ZNF704: variants seen among roughly 807,000 people sequenced by gnomAD.
ZNF704 encodes the protein glucocorticoid induced gene 1.
In ZNF704, 10 loss-of-function variants were observed where a neutral mutation model predicts 44.7. The observed-to-expected ratio is 0.22, with a 90% CI of 0.14 to 0.38. ZNF704 has a LOEUF of 0.38. ZNF704 is among the 10% of genes least tolerant of loss of function. The pLI, the probability that ZNF704 is intolerant of heterozygous loss-of-function variation, is 1.00. For synonymous variants in ZNF704, 211 were observed against 207.6 expected (o/e 1.02, Z -0.14); for missense variants, 390 against 545.5 (o/e 0.71, Z 2.84).
At chr8:80,773,648 G>A (rs1177267880) in intron 2 of ZNF704, among the ~76,000 whole-genome samples, 1 of 152,152 alleles carries the variant, frequency 6.6e-6, no homozygotes. Context: ...TCCTTCATCT[G>A]AGAATGTCTT....
At chr8:80,787,328 G>T (rs575144592) in intron 2 of ZNF704, among the ~76,000 whole-genome samples, 11 of 152,210 alleles carry the variant, frequency 7.2e-5, no homozygotes, top group Admixed American at 2.0e-4. Context: ...CTACATGTGC[G>T]TGCACACACA....
intron 2 of ZNF704, among the ~76,000 whole-genome samples, chr8:80,755,162 A>T (rs143249879): frequency 4.0e-4 from 61 of 152,288 alleles, no homozygotes; most frequent in Middle Eastern, 3.4e-3. Flanking sequence ...AAAGCAAATA[A>T]AACACTTAAA....
chr8:80,834,659 T>C (rs1158904478), intron 1 of ZNF704, among the ~76,000 whole-genome samples: 3 of 152,152 alleles, frequency 2.0e-5, no homozygotes, highest in Non-Finnish European at 2.9e-5. Context: ...ATTAGGTATT[T>C]GTCATAATGC....
At chr8:80,686,879 GA>G (rs1818546322) in intron 4 of ZNF704, among the ~76,000 whole-genome samples, 1 of 152,012 alleles carries the variant, frequency 6.6e-6, no homozygotes, top group Non-Finnish European at 1.5e-5. Flanking sequence ...TTTTACATAT[GA>G]AAAAAATAAG....
intron 7 of ZNF704, among the ~76,000 whole-genome samples, chr8:80,655,969 G>A (rs887156232): frequency 1.3e-5 from 2 of 152,112 alleles, no homozygotes; most frequent in Non-Finnish European, 2.9e-5. Context: ...GTTATAGATC[G>A]AATGTTTGTG....
chr8:80,740,690 C>A (rs964072024), intron 2 of ZNF704, among the ~76,000 whole-genome samples: 1 of 152,190 alleles, frequency 6.6e-6, no homozygotes, highest in Non-Finnish European at 1.5e-5. Context: ...CTTAAGGATG[C>A]CTTTTTCTGC....
intron 6 of ZNF704, among the ~76,000 whole-genome samples, chr8:80,664,014 A>G (rs917858964): frequency 6.6e-6 from 1 of 151,194 alleles, no homozygotes; most frequent in Non-Finnish European, 1.5e-5. Flanking sequence ...TACAGGTGTG[A>G]GCCACTGTGC....
At chr8:80,746,361 A>T (rs2131699633) in intron 2 of ZNF704, among the ~76,000 whole-genome samples, 1 of 152,298 alleles carries the variant, frequency 6.6e-6, no homozygotes, top group East Asian at 1.9e-4. Context: ...AATAGGGCAG[A>T]CCTGGGTTTA....
chr8:80,852,896 A>T (rs1009155331), intron 1 of ZNF704, among the ~76,000 whole-genome samples: 1 of 152,174 alleles, frequency 6.6e-6, no homozygotes, highest in Non-Finnish European at 1.5e-5. Context: ...ACCATTAAAT[A>T]ATATTTTCTG....
intron 2 of ZNF704, among the ~76,000 whole-genome samples, chr8:80,810,948 T>C (rs1563561523): frequency 6.6e-6 from 1 of 152,206 alleles, no homozygotes; most frequent in Non-Finnish European, 1.5e-5. Flanking sequence ...CATAGAAAGC[T>C]ATGTTCCACC....
chr8:80,749,016 T>C (rs574942463), intron 2 of ZNF704, among the ~76,000 whole-genome samples: 144 of 152,310 alleles, frequency 9.5e-4, no homozygotes, highest in East Asian at 3.9e-4. Context: ...TTAAAGCAAT[T>C]TGATATCTAC....
chr8:80,837,208 T>A (rs1808598137), intron 1 of ZNF704, among the ~76,000 whole-genome samples: 2 of 152,196 alleles, frequency 1.3e-5, no homozygotes, highest in African/African-American at 4.8e-5. Context: ...GGGGAAATAG[T>A]AATTTGGGGG....
chr8:80,640,018 CAAGT>C lies in ZNF704; in HGVS notation c.*1344_*1347del, dbSNP rs745452211. On this transcript the variant is annotated 3_prime_UTR_variant, in exon 9 of 9. Coordinates refer to ENST00000327835, the MANE Select transcript of ZNF704 (RefSeq NM_001033723.3). ...CACCACTATCCCCCAAACAAACAAGCAAGTAAGTTACGAAGCCCAATAAATGGAA... is the reference window on the plus strand; with the variant it reads ...CACCACTATCCCCCAAACAAACAAGCAAGTTACGAAGCCCAATAAATGGAA... 6.6e-6 allele frequency: 1 copy of C among 152,582 alleles called. No homozygotes were observed. Among genetic ancestry groups the C allele is most frequent in the Non-Finnish European group, 1.5e-5 (1 of 68,036 alleles). 9.5% of individuals were successfully genotyped at this position (152,582 alleles called of 1,614,324 possible). A position where few individuals can be genotyped will look rare whatever the true frequency, so the allele number is the denominator to read the frequency against.
chr8:80,648,767 T>C (rs1269097928), intron 7 of ZNF704, among the ~76,000 whole-genome samples: 1 of 152,178 alleles, frequency 6.6e-6, no homozygotes, highest in Non-Finnish European at 1.5e-5. Context: ...ATAGCCATAA[T>C]TTCCATTTTA....
intron 2 of ZNF704, among the ~76,000 whole-genome samples, chr8:80,716,464 G>C (rs1199041): frequency 0.31 from 47,886 of 152,030 alleles, 7,899 homozygotes; most frequent in Admixed American, 0.38. Flanking sequence ...TCTATCCTTG[G>C]ATCGTCCCAA....
intron 2 of ZNF704, among the ~76,000 whole-genome samples, chr8:80,767,462 G>T (rs1807246812): frequency 6.6e-6 from 1 of 151,912 alleles, no homozygotes; most frequent in Non-Finnish European, 1.5e-5. Context: ...AAACAAATAA[G>T]AATAATTCAA....
At chr8:80,644,409 C>G (rs1253696544) in intron 7 of ZNF704, among the ~76,000 whole-genome samples, 1 of 152,124 alleles carries the variant, frequency 6.6e-6, no homozygotes, top group African/African-American at 2.4e-5. Context: ...TTCTTAAAAG[C>G]TGCAACAAAT....
At chr8:80,646,385 G>A (rs1817834182) in intron 7 of ZNF704, among the ~76,000 whole-genome samples, 2 of 151,870 alleles carry the variant, frequency 1.3e-5, no homozygotes, top group Admixed American at 6.6e-5. Flanking sequence ...TGAGGTGGGA[G>A]GATCACCTGA....
At chr8:80,768,304 T>C (rs952983948) in intron 2 of ZNF704, among the ~76,000 whole-genome samples, 2 of 152,142 alleles carry the variant, frequency 1.3e-5, no homozygotes, top group African/African-American at 2.4e-5. Context: ...TTATGTGATA[T>C]GTCCTTGTCA....
Sources: gnomAD v4.1 joint callset for allele counts (sites outside exome capture counted in the v4.1 genomes callset) on GRCh38, gnomAD v4.1.1 for gene constraint, MANE v1.5 for transcripts, NCBI Gene and HGNC (gene_info 2026-07-23, HGNC 2026-07-21) for gene names.